Variants in WWC2 observed in about 807,000 individuals in gnomAD.
WWC2 encodes WW and C2 domain containing 2.
A neutral mutation model predicts 138.5 loss-of-function variants in WWC2; 101 were observed. The ratio of observed to expected loss-of-function variants is 0.73; its 90% CI spans 0.62 to 0.86. WWC2 has a LOEUF of 0.86. WWC2 is among the 40% of genes least tolerant of loss of function. WWC2 has a pLI of 0.00. For synonymous variants in WWC2, 558 were observed against 538.4 expected, an observed-to-expected ratio of 1.04 and a Z score of -0.50; for missense variants, 1,420 against 1,419.4, an observed-to-expected ratio of 1.00 and a Z score of -0.01.
chr4:183,171,458 A>G (rs61156703), intron 1 of WWC2, among the ~76,000 whole-genome samples: 4,324 of 152,278 alleles, frequency 0.028, 210 homozygotes, highest in African/African-American at 0.096. Context: ...TGGAGTACTG[A>G]AAAATATACT....
intron 9 of WWC2, among the ~76,000 whole-genome samples, chr4:183,256,185 T>C (rs1401043172): frequency 6.6e-6 from 1 of 152,188 alleles, no homozygotes; most frequent in African/African-American, 2.4e-5. Context: ...TCCTTATCAG[T>C]GTCTATGGCC....
rs1283683052 is a variant in WWC2, at chr4:183,208,123, G to T, written c.412G>T (p.Ala138Ser). ...ALDEYVRLND[A>S]YKEKSSSHTS... is the part of the protein sequence containing the mutation. ...GGATGAATACGTGCGATTAAATGAT[G>T]CCTATAAGGAAAAGTCAAGTTCTCA... Residue 138 changes from alanine (A) to serine (S), a missense_variant, in exon 3 of 23, where the codon GCC (alanine) becomes TCC (serine). Transcript: ENST00000403733. 6.2e-7 allele frequency: 1 copy of T among 1,613,716 alleles called. No individual in the cohort carries two copies. The highest frequency in any genetic ancestry group is 8.5e-7 in the Non-Finnish European group (1 of 1,179,688).
At chr4:183,280,479 A>G (rs1402791179) in intron 16 of WWC2, among the ~76,000 whole-genome samples, 2 of 151,900 alleles carry the variant, frequency 1.3e-5, no homozygotes, top group African/African-American at 4.8e-5. Flanking sequence ...GTACCTCACC[A>G]CTAGAATTGA....
chr4:183,147,127 C>T (rs2111108163), intron 1 of WWC2, among the ~76,000 whole-genome samples: 1 of 152,328 alleles, frequency 6.6e-6, no homozygotes, highest in Middle Eastern at 3.4e-3. Flanking sequence ...TGTGTTTACA[C>T]TGTATCACAG....
At chr4:183,188,490 A>G (rs6552654) in intron 1 of WWC2, among the ~76,000 whole-genome samples, 150,712 of 152,238 alleles carry the variant, frequency 0.99, 74,622 homozygotes, top group East Asian at 1. Flanking sequence ...TGCCTGTCTC[A>G]GCATCCCAAA....
intron 21 of WWC2, among the ~76,000 whole-genome samples, chr4:183,291,823 TG>T (rs1257720804): frequency 6.6e-6 from 1 of 151,898 alleles, no homozygotes; most frequent in Non-Finnish European, 1.5e-5. Flanking sequence ...AAAAGTTCTT[TG>T]AAAAAAATGA....
chr4:183,313,635 C>T (rs573629108), intron 22 of WWC2, among the ~76,000 whole-genome samples: 1 of 151,770 alleles, frequency 6.6e-6, no homozygotes, highest in Non-Finnish European at 1.5e-5. Context: ...TGCTCATCTT[C>T]AATGCATTGG....
chr4:183,170,887 C>T (rs907891186), intron 1 of WWC2, among the ~76,000 whole-genome samples: 14 of 151,200 alleles, frequency 9.3e-5, no homozygotes, highest in Admixed American at 7.3e-4. Flanking sequence ...GCTATATTTC[C>T]TAGACTGGTC....
At chr4:183,239,044 G>A (rs1313276464) in intron 4 of WWC2, among the ~76,000 whole-genome samples, 1 of 152,186 alleles carries the variant, frequency 6.6e-6, no homozygotes, top group Non-Finnish European at 1.5e-5. Flanking sequence ...GCTGGGCATG[G>A]TGGCTCACGC....
intron 1 of WWC2, among the ~76,000 whole-genome samples, chr4:183,128,483 C>G (rs1423308828): frequency 6.6e-6 from 1 of 152,188 alleles, no homozygotes; most frequent in Non-Finnish European, 1.5e-5. Flanking sequence ...CCACTGCATA[C>G]TAGCCTGGGC....
At chr4:183,168,185 T>TTTC (rs1734178554) in intron 1 of WWC2, among the ~76,000 whole-genome samples, 1 of 151,042 alleles carries the variant, frequency 6.6e-6, no homozygotes, top group South Asian at 2.1e-4. Context: ...TTTCTTTTTT[T>TTTC]TTTTTTTTTA....
At chr4:183,266,307 A>G (rs972865745) in intron 14 of WWC2, among the ~76,000 whole-genome samples, 7 of 152,220 alleles carry the variant, frequency 4.6e-5, no homozygotes, top group African/African-American at 1.7e-4. Flanking sequence ...AATCTTTTAC[A>G]TTAAAATGTA....
chr4:183,264,848 A>G (rs1737441482), intron 11 of WWC2, 130 bp from the exon 12 acceptor site: 2 of 1,012,578 alleles, frequency 2.0e-6, no homozygotes, highest in Non-Finnish European at 2.7e-6. Flanking sequence ...GTAGATTTGA[A>G]TATTAACATC....
chr4:183,127,948 A>C (rs190995568), intron 1 of WWC2, among the ~76,000 whole-genome samples: 3 of 152,160 alleles, frequency 2.0e-5, no homozygotes, highest in Admixed American at 1.3e-4. Flanking sequence ...CTAATAAAGA[A>C]ATGTACATTA....
At chr4:183,302,989 A>C (rs1329164172) in intron 21 of WWC2, among the ~76,000 whole-genome samples, 2 of 146,856 alleles carry the variant, frequency 1.4e-5, no homozygotes, top group East Asian at 4.1e-4. Flanking sequence ...GCTTGAGCCC[A>C]GGAGGTGGGG....
intron 1 of WWC2, among the ~76,000 whole-genome samples, chr4:183,179,174 G>C (rs1734551504): frequency 6.6e-6 from 1 of 152,126 alleles, no homozygotes; most frequent in Admixed American, 6.5e-5. Flanking sequence ...ATATTTTCTA[G>C]GCTGTATGTA....
chr4:183,270,828 A>G (rs191294913), intron 15 of WWC2, among the ~76,000 whole-genome samples: 36 of 152,256 alleles, frequency 2.4e-4, no homozygotes, highest in African/African-American at 8.7e-4. Context: ...TCTTCGCAAA[A>G]TGGTATCTCA....
intron 17 of WWC2, among the ~76,000 whole-genome samples, chr4:183,282,292 A>G (rs1197012645): frequency 6.6e-6 from 1 of 152,338 alleles, no homozygotes; most frequent in Admixed American, 6.5e-5. Flanking sequence ...AGTACACTCA[A>G]TAAAATGAGG....
At chr4:183,118,441 T>A (rs1227544218) in intron 1 of WWC2, among the ~76,000 whole-genome samples, 1 of 152,232 alleles carries the variant, frequency 6.6e-6, no homozygotes, top group Non-Finnish European at 1.5e-5. Flanking sequence ...ATTGTGTATC[T>A]GATTCTATGT....
Sources: allele counts gnomAD v4.1 joint callset (sites outside exome capture counted in the v4.1 genomes callset), GRCh38; gene constraint gnomAD v4.1.1; transcripts MANE v1.5; gene names NCBI Gene and HGNC (gene_info 2026-07-23, HGNC 2026-07-21).